Variants in PARD3B observed in about 807,000 individuals in gnomAD.
PARD3B encodes par-3 family cell polarity regulator beta.
In PARD3B, 103 loss-of-function variants were observed where a neutral mutation model predicts 130.2. The observed-to-expected ratio is 0.79, with a 90% CI of 0.67 to 0.93. The LOEUF is 0.93. PARD3B is among the 40% of genes least tolerant of loss of function. The pLI is 0.00. For synonymous variants in PARD3B, 583 were observed against 553.2 expected (o/e 1.05, Z -0.76); for missense variants, 1,609 against 1,499.2 (o/e 1.07, Z -1.21).
intron 21 of PARD3B, among the ~76,000 whole-genome samples, chr2:205,513,511 T>C (rs547946484): frequency 3.1e-4 from 47 of 152,226 alleles, no homozygotes; most frequent in African/African-American, 1.1e-3. Flanking sequence ...CTTAAGAGTT[T>C]CCTAGCTTTC....
intron 4 of PARD3B, among the ~76,000 whole-genome samples, chr2:205,081,155 A>C (rs977676960): frequency 2.6e-5 from 4 of 151,996 alleles, no homozygotes; most frequent in African/African-American, 7.2e-5. Context: ...TCCTTTATGG[A>C]TGGTGCTTTT....
intron 4 of PARD3B, among the ~76,000 whole-genome samples, chr2:205,103,376 A>ATAAATATATTTTTTATTTATG (rs1702959297): frequency 6.8e-6 from 1 of 146,664 alleles, no homozygotes; most frequent in African/African-American, 2.5e-5. Context: ...TTTATGTAAA[A>ATAAATATATTTTTTATTTATG]TAAATATTTA....
At chr2:204,671,307 C>T (rs903865512) in intron 1 of PARD3B, among the ~76,000 whole-genome samples, 1 of 152,126 alleles carries the variant, frequency 6.6e-6, no homozygotes, top group African/African-American at 2.4e-5. Flanking sequence ...TGCTCTTTTT[C>T]AGTTTCTCCA....
At chr2:205,040,023 G>A (rs1270386823) in intron 3 of PARD3B, among the ~76,000 whole-genome samples, 1 of 152,172 alleles carries the variant, frequency 6.6e-6, no homozygotes, top group East Asian at 1.9e-4. Context: ...GAGTGCAGTG[G>A]CACAATCTCG....
intron 1 of PARD3B, among the ~76,000 whole-genome samples, chr2:204,652,168 C>T (rs2035502625): frequency 6.6e-6 from 1 of 152,098 alleles, no homozygotes. Context: ...TTGAATCACC[C>T]CCACCCCCGA....
chr2:205,423,686 C>T (rs916245720), intron 19 of PARD3B, among the ~76,000 whole-genome samples: 2 of 152,086 alleles, frequency 1.3e-5, no homozygotes, highest in Non-Finnish European at 2.9e-5. Flanking sequence ...ATGGAATCAA[C>T]ATAAATGCCC....
intron 3 of PARD3B, among the ~76,000 whole-genome samples, chr2:205,026,972 G>A (rs1367668852): frequency 1.3e-5 from 2 of 152,128 alleles, no homozygotes; most frequent in Non-Finnish European, 2.9e-5. Context: ...ACCTATCTTA[G>A]TTATTGAAGT....
intron 7 of PARD3B, among the ~76,000 whole-genome samples, chr2:205,119,882 A>G (rs931003256): frequency 6.6e-6 from 1 of 152,180 alleles, no homozygotes; most frequent in Non-Finnish European, 1.5e-5. Flanking sequence ...ATTAGAGTGT[A>G]TAGTAATCTG....
chr2:204,765,201 G>A (rs995473545), intron 2 of PARD3B, among the ~76,000 whole-genome samples: 1 of 152,168 alleles, frequency 6.6e-6, no homozygotes, highest in Non-Finnish European at 1.5e-5. Context: ...TGTTCTCAAA[G>A]TGTGGTTGCC....
intron 1 of PARD3B, among the ~76,000 whole-genome samples, chr2:204,672,173 G>A (rs1280873974): frequency 6.6e-6 from 1 of 152,180 alleles, no homozygotes; most frequent in East Asian, 1.9e-4. Flanking sequence ...CATTCCTGAA[G>A]TAGATAAGGT....
chr2:205,491,403 A>G (rs1332896538), intron 20 of PARD3B, among the ~76,000 whole-genome samples: 3 of 152,176 alleles, frequency 2.0e-5, no homozygotes, highest in Non-Finnish European at 4.4e-5. Context: ...GGTTTGTGAA[A>G]GATCAGATGG....
At chr2:205,135,886 C>T (rs2032440468) in intron 10 of PARD3B, among the ~76,000 whole-genome samples, 1 of 152,122 alleles carries the variant, frequency 6.6e-6, no homozygotes, top group African/African-American at 2.4e-5. Flanking sequence ...ATTCTTGCTG[C>T]TGCCTAAATG....
intron 4 of PARD3B, among the ~76,000 whole-genome samples, chr2:205,093,935 A>G (rs1342762404): frequency 6.6e-6 from 1 of 152,166 alleles, no homozygotes; most frequent in Non-Finnish European, 1.5e-5. Context: ...ACTGCTGCCC[A>G]TGACTACAGC....
chr2:205,090,733 T>C (rs1702053982), intron 4 of PARD3B, among the ~76,000 whole-genome samples: 1 of 152,196 alleles, frequency 6.6e-6, no homozygotes, highest in Non-Finnish European at 1.5e-5. Flanking sequence ...TCATGAGGAT[T>C]TACTGAGTGT....
In PARD3B at chr2:204,686,191, A is replaced by G; in HGVS notation, c.131A>G (p.Tyr44Cys). 6.2e-7 allele frequency: 1 copy of G among 1,608,182 alleles called. No homozygotes were observed. The highest frequency in any genetic ancestry group is 8.5e-7 in the Non-Finnish European group (1 of 1,174,802). ...YLKTREKGPG[Y>C]WVKIHHLEYT... ...TTTGTTCTACTATAGGGTCCTGGTT[A>G]CTGGGTGAAGATTCATCACTTAGAA... is the stretch of plus-strand genomic sequence containing the variant. The change falls in exon 2 of 23, where the codon TAC becomes TGC. Residue 44 changes from tyrosine to cysteine, a missense_variant. By Grantham distance (194) the Tyr-to-Cys change is radical. Coordinates refer to ENST00000406610, the MANE Select transcript of PARD3B (RefSeq NM_001302769.2).
intron 4 of PARD3B, among the ~76,000 whole-genome samples, chr2:205,058,892 C>T (rs1699895798): frequency 6.6e-6 from 1 of 151,578 alleles, no homozygotes; most frequent in South Asian, 2.1e-4. Context: ...CTTTACATTG[C>T]CCCTTCACTC....
In PARD3B at chr2:204,965,282, T is replaced by C; in HGVS notation, c.353T>C (p.Ile118Thr). The C allele has an allele frequency of 6.2e-7, 1 of 1,613,840 alleles. No individual in the cohort carries two copies. Among genetic ancestry groups the C allele is most frequent in the Middle Eastern group, 1.7e-4 (1 of 6,060 alleles). The change falls in exon 3 of 23, where the codon ATT becomes ACT. Residue 118 changes from isoleucine to threonine, a missense_variant. Transcript: ENST00000406610. The part of the protein sequence containing the change: ...VAAQLAAFKP[I>T]GGEIEVTPSA... The stretch of plus-strand genomic sequence containing the variant: ...GCCCAACTGGCCGCATTTAAGCCAA[T>C]TGGTGGGGAGATTGAAGTAACCCCT...
At chr2:205,201,403 A>G (rs1329495222) in intron 15 of PARD3B, among the ~76,000 whole-genome samples, 4 of 152,224 alleles carry the variant, frequency 2.6e-5, no homozygotes, top group Non-Finnish European at 4.4e-5. Context: ...ATAAATTAAA[A>G]CAGCTCCTGA....
intron 21 of PARD3B, among the ~76,000 whole-genome samples, chr2:205,545,543 T>C (rs1462063064): frequency 1.3e-5 from 2 of 152,198 alleles, no homozygotes; most frequent in African/African-American, 2.4e-5. Flanking sequence ...ACTCATTTTT[T>C]TGTAATGGAT....
Sources: gnomAD v4.1 joint callset for allele counts (sites outside exome capture counted in the v4.1 genomes callset) on GRCh38, gnomAD v4.1.1 for gene constraint, MANE v1.5 for transcripts, NCBI Gene and HGNC (gene_info 2026-07-23, HGNC 2026-07-21) for gene names.